Variants in EFCAB11 observed in about 807,000 individuals in gnomAD.
EFCAB11 encodes the protein EF-hand calcium-binding domain-containing protein 11.
A neutral mutation model predicts 23.0 loss-of-function variants in EFCAB11; 14 were observed. The observed-to-expected ratio is 0.61, with a 90% CI of 0.40 to 0.95. The LOEUF is 0.95. Among genes scored for constraint, EFCAB11 ranks in the 40% least tolerant of loss-of-function variants. EFCAB11 has a pLI of 0.00. For missense variants in EFCAB11, 198 were observed against 195.8 expected (o/e 1.01, Z -0.07); for synonymous variants, 65 against 66.6 (o/e 0.98, Z 0.11).
chr14:89,954,478 C>G, intron 1 of EFCAB11, 108 bp downstream of exon 1: 1 of 1,545,478 alleles, frequency 6.5e-7, no homozygotes, highest in Non-Finnish European at 8.7e-7. Flanking sequence ...GACAGGCAGC[C>G]CAGGTCTTAT....
At chr14:89,925,393 A>G (rs1038767153) in intron 5 of EFCAB11, among the ~76,000 whole-genome samples, 44 of 152,226 alleles carry the variant, frequency 2.9e-4, no homozygotes, top group African/African-American at 9.9e-4. Flanking sequence ...CAAAATTTTC[A>G]GTCAGTTTTA....
At position 89,872,854 on chromosome 14, in the gene EFCAB11, GACAC is replaced by G. The variant is rs34058468; in HGVS notation, c.410+58683_410+58686del. On this transcript the variant is annotated intron_variant, in intron 5 of 5. Coordinates refer to ENST00000316738, the MANE Select transcript of EFCAB11 (RefSeq NM_145231.4). ...CCGTATCCTTATAAGAAGAGATTAG[GACAC>G]ACACACACACACACACAGGGAAGAA... Among the ~76,000 whole-genome samples, 36 of 148,870 alleles carry G rather than the reference GACAC, an allele frequency of 2.4e-4. No individual in the cohort carries two copies. The South Asian group carries it at 7.3e-3, about 30-fold the overall frequency.
chr14:89,836,280 T>C, intron 5 of EFCAB11: 1 of 242,440 alleles, frequency 4.1e-6, no homozygotes, highest in Non-Finnish European at 8.3e-6. Flanking sequence ...TCTTTTGCTC[T>C]AGAGTCCTTC....
intron 5 of EFCAB11, among the ~76,000 whole-genome samples, chr14:89,838,689 C>G (rs1410684099): frequency 6.6e-6 from 1 of 152,102 alleles, no homozygotes; most frequent in Non-Finnish European, 1.5e-5. Flanking sequence ...ATTTTGCTTC[C>G]ACCAAAACCC....
chr14:89,922,149 G>C (rs901280245), intron 5 of EFCAB11, among the ~76,000 whole-genome samples: 7 of 152,198 alleles, frequency 4.6e-5, no homozygotes, highest in African/African-American at 1.7e-4. Context: ...ATTACAGCAA[G>C]AACAGCATAT....
At chr14:89,886,328 C>A (rs973086578) in intron 5 of EFCAB11, among the ~76,000 whole-genome samples, 1 of 151,726 alleles carries the variant, frequency 6.6e-6, no homozygotes, top group Non-Finnish European at 1.5e-5. Context: ...CCATCCTGGC[C>A]AACTCTGTGA....
intron 2 of EFCAB11, chr14:89,952,308 G>A (rs755306398): frequency 1.1e-5 from 8 of 712,910 alleles, no homozygotes; most frequent in Non-Finnish European, 1.4e-5. Flanking sequence ...TTACATCACT[G>A]TATCTGTCAT....
chr14:89,825,210 T>C, intron 5 of EFCAB11, among the ~76,000 whole-genome samples: 1 of 151,554 alleles, frequency 6.6e-6, no homozygotes, highest in Non-Finnish European at 1.5e-5. Context: ...CTTTCAAATA[T>C]TTGGAAATTA....
chr14:89,934,772 T>C (rs1230944270), intron 3 of EFCAB11, among the ~76,000 whole-genome samples: 1 of 152,226 alleles, frequency 6.6e-6, no homozygotes, highest in Non-Finnish European at 1.5e-5. Context: ...AGCTATGCCA[T>C]GTGCCCATAA....
At chr14:89,887,381 T>A (rs150443591) in intron 5 of EFCAB11, among the ~76,000 whole-genome samples, 54 of 152,220 alleles carry the variant, frequency 3.5e-4, no homozygotes, top group African/African-American at 1.1e-3. Context: ...CACATAGGAG[T>A]AATAAATTAG....
chr14:89,914,597 C>T (rs1889778421), intron 5 of EFCAB11, among the ~76,000 whole-genome samples: 1 of 152,194 alleles, frequency 6.6e-6, no homozygotes, highest in African/African-American at 2.4e-5. Flanking sequence ...CTAGCCTGGC[C>T]AACATGGTGA....
intron 5 of EFCAB11, among the ~76,000 whole-genome samples, chr14:89,917,591 T>C (rs1238855962): frequency 6.6e-6 from 1 of 152,202 alleles, no homozygotes; most frequent in Non-Finnish European, 1.5e-5. Context: ...GTAAATTCAG[T>C]CTACTCCATC....
At chr14:89,892,165 G>T in intron 5 of EFCAB11, 1 of 1,571,664 alleles carries the variant, frequency 6.4e-7, no homozygotes, top group South Asian at 1.2e-5. Flanking sequence ...TCTTCCTGCT[G>T]GTTGGCCACA....
At chr14:89,837,874 CT>C (rs932442930) in intron 5 of EFCAB11, among the ~76,000 whole-genome samples, 2 of 151,818 alleles carry the variant, frequency 1.3e-5, no homozygotes, top group Non-Finnish European at 2.9e-5. Flanking sequence ...ATATCAGTTT[CT>C]TTTTTTTCAG....
At chr14:89,829,552 T>C (rs1886817919) in intron 5 of EFCAB11, among the ~76,000 whole-genome samples, 1 of 152,184 alleles carries the variant, frequency 6.6e-6, no homozygotes, top group Admixed American at 6.5e-5. Flanking sequence ...AGATATGAAT[T>C]GGACAAAGAG....
At chr14:89,830,251 A>G (rs1886838700) in intron 5 of EFCAB11, 1 of 152,226 alleles carries the variant, frequency 6.6e-6, no homozygotes, top group Admixed American at 6.5e-5. Context: ...TTCAAAGTGT[A>G]CAAATAGACA....
At chr14:89,912,696 A>G (rs1386383680) in intron 5 of EFCAB11, among the ~76,000 whole-genome samples, 1 of 152,248 alleles carries the variant, frequency 6.6e-6, no homozygotes, top group Non-Finnish European at 1.5e-5. Context: ...GACGAAAGAT[A>G]AAAACTTGTG....
chr14:89,852,170 T>C (rs1320526529), intron 5 of EFCAB11, among the ~76,000 whole-genome samples: 1 of 152,240 alleles, frequency 6.6e-6, no homozygotes, highest in Non-Finnish European at 1.5e-5. Flanking sequence ...AACTGTCATA[T>C]GCAAAGAAGA....
At chr14:89,869,771 T>G (rs1724547610) in intron 5 of EFCAB11, among the ~76,000 whole-genome samples, 1 of 152,156 alleles carries the variant, frequency 6.6e-6, no homozygotes, top group Non-Finnish European at 1.5e-5. Context: ...AGAGTATTAT[T>G]TATGACAACA....
Sources: allele counts gnomAD v4.1 joint callset (sites outside exome capture counted in the v4.1 genomes callset), GRCh38; gene constraint gnomAD v4.1.1; transcripts MANE v1.5; gene names NCBI Gene and HGNC (gene_info 2026-07-23, HGNC 2026-07-21).